The following RALGAPA2 variants were observed in gnomAD, a reference collection of about 807,000 sequenced individuals.
RALGAPA2 encodes ral GTPase-activating protein subunit alpha-2.
RALGAPA2 carries 139 observed loss-of-function variants against 230.4 expected under a neutral mutation model. The ratio of observed to expected loss-of-function variants is 0.60; its 90% CI spans 0.53 to 0.69. RALGAPA2 has a LOEUF of 0.69. Among genes scored for constraint, RALGAPA2 ranks in the 30% least tolerant of loss-of-function variants. The pLI is 0.00. For synonymous variants in RALGAPA2, 847 were observed against 837.8 expected (o/e 1.01, Z -0.19); for missense variants, 2,163 against 2,276.0 (o/e 0.95, Z 1.01).
chr20:20,652,377 T>C (rs928661537), intron 4 of RALGAPA2, among the ~76,000 whole-genome samples: 2 of 152,212 alleles, frequency 1.3e-5, no homozygotes, highest in Non-Finnish European at 2.9e-5. Flanking sequence ...AACAGAATTA[T>C]TCAACTTTTC....
chr20:20,615,048 G>A (rs2066094153), intron 13 of RALGAPA2, among the ~76,000 whole-genome samples: 1 of 152,142 alleles, frequency 6.6e-6, no homozygotes, highest in Non-Finnish European at 1.5e-5. Flanking sequence ...AAAGGCAGAA[G>A]TGAGAGGCTG....
chr20:20,619,400 A>G lies in RALGAPA2; in HGVS notation c.1416T>C (p.Ser472=). The change falls in exon 12 of 40, where the codon AGT becomes AGC. Residue 472 remains serine, a synonymous_variant. Transcript: ENST00000202677. ...AACTGGAAGATCGTTTATGACCAGAACTTTCAGATGAGGCCTTCAGAAGAT... is the reference window on the plus strand; with the variant it reads ...AACTGGAAGATCGTTTATGACCAGAGCTTTCAGATGAGGCCTTCAGAAGAT... ...ETDSKEASSE[S]SGHKRSSSWG... is the part of the protein sequence containing the mutation. 6.2e-7 allele frequency: 1 copy of G among 1,602,274 alleles called. No homozygotes were observed.
chr20:20,404,944 C>G (rs529109073), intron 38 of RALGAPA2, among the ~76,000 whole-genome samples: 5 of 152,314 alleles, frequency 3.3e-5, no homozygotes, highest in African/African-American at 1.2e-4. Context: ...AGCACCAGCC[C>G]CAGGGTTGTC....
rs6035618 is a variant in RALGAPA2, at chr20:20,393,169, C to G, written c.*120G>C. On this transcript the variant is annotated 3_prime_UTR_variant, in exon 40 of 40. Transcript: ENST00000202677. ...CCTGGAGATTCTGGGTTTAGTGGCTCGGGGCAGAGGCAGGAGAGGGTGTTC... is the reference window on the plus strand; with the variant it reads ...CCTGGAGATTCTGGGTTTAGTGGCTGGGGGCAGAGGCAGGAGAGGGTGTTC... 4 of 1,356,018 alleles carry G rather than the reference C, an allele frequency of 2.9e-6. No homozygotes were observed. The Admixed American group carries it at 7.9e-5, about 27-fold the overall frequency. 84.0% of individuals were successfully genotyped at this position (1,356,018 alleles called of 1,614,324 possible).
intron 37 of RALGAPA2, among the ~76,000 whole-genome samples, chr20:20,432,222 A>C (rs2060517217): frequency 6.6e-6 from 1 of 152,138 alleles, no homozygotes; most frequent in African/African-American, 2.4e-5. Flanking sequence ...ACGTAGGTAC[A>C]TTTTCTACAG....
At chr20:20,418,066 C>T (rs1438427178) in intron 37 of RALGAPA2, among the ~76,000 whole-genome samples, 1 of 152,078 alleles carries the variant, frequency 6.6e-6, no homozygotes, top group South Asian at 2.1e-4. Flanking sequence ...TCCTGTTTAC[C>T]ACAATACTGT....
At chr20:20,533,376 T>C (rs1398816706) in intron 26 of RALGAPA2, among the ~76,000 whole-genome samples, 2 of 151,188 alleles carry the variant, frequency 1.3e-5, no homozygotes, top group East Asian at 3.9e-4. Flanking sequence ...GTCTTTAAGA[T>C]AAAAAAAAAT....
chr20:20,635,627 G>A lies in RALGAPA2; in HGVS notation c.806-10C>T, dbSNP rs2066833182. On this transcript the variant is annotated splice_polypyrimidine_tract_variant and intron_variant, in intron 8 of 39. Coordinates refer to ENST00000202677, the MANE Select transcript of RALGAPA2 (RefSeq NM_020343.4). ...CTCAAATGGGGGATGTCTGGTAGAA[G>A]AAAGAACACATGATTGATTAGGTTA... The A allele has an allele frequency of 2.7e-6, 4 of 1,506,316 alleles. No individual in the cohort carries two copies. Among genetic ancestry groups the A allele is most frequent in the Middle Eastern group, 1.7e-4 (1 of 5,820 alleles). The allele number at this position is 1,506,316 out of a possible 1,614,324, so 93.3% of individuals were successfully genotyped here.
chr20:20,682,224 C>T (rs2068545922), intron 1 of RALGAPA2, among the ~76,000 whole-genome samples: 1 of 152,154 alleles, frequency 6.6e-6, no homozygotes, highest in South Asian at 2.1e-4. Flanking sequence ...AAACTGGGCA[C>T]ACAGCTGTGA....
intron 1 of RALGAPA2, among the ~76,000 whole-genome samples, chr20:20,702,672 C>A (rs1005401835): frequency 6.6e-6 from 1 of 152,194 alleles, no homozygotes; most frequent in Non-Finnish European, 1.5e-5. Flanking sequence ...GTCAATCATG[C>A]TCCCCACAAC....
At chr20:20,408,169 T>C (rs978267562) in intron 38 of RALGAPA2, among the ~76,000 whole-genome samples, 2 of 152,246 alleles carry the variant, frequency 1.3e-5, no homozygotes, top group Non-Finnish European at 2.9e-5. Context: ...CAAGTCAGTT[T>C]GGGTATTCCG....
At chr20:20,634,756 C>A (rs1392779199) in intron 9 of RALGAPA2, among the ~76,000 whole-genome samples, 1 of 152,230 alleles carries the variant, frequency 6.6e-6, no homozygotes, top group African/African-American at 2.4e-5. Context: ...TGGCTGCTCT[C>A]TGACCTCCAC....
At position 20,591,279 on chromosome 20, in the gene RALGAPA2, C is replaced by T; in HGVS notation, c.2239G>A (p.Ala747Thr). The T allele has an allele frequency of 6.2e-7, 1 of 1,613,870 alleles. No homozygotes were observed. The highest frequency in any genetic ancestry group is 8.5e-7 in the Non-Finnish European group (1 of 1,179,820). ...ACTGTGAGATGGCCAGATCCGGCTG[C>T]AGGTGCATTTTCTGACTGTTGACAC... ...EECQQSENAP[A>T]AGSGHLTVGQ... Residue 747 changes from alanine to threonine, a missense_variant, in exon 17 of 40, where the codon GCA becomes ACA. Physicochemically the swap from Ala to Thr is moderately conservative, Grantham distance 58. Coordinates refer to ENST00000202677, the MANE Select transcript of RALGAPA2 (RefSeq NM_020343.4).
At chr20:20,577,117 G>A (rs2064844736) in intron 20 of RALGAPA2, among the ~76,000 whole-genome samples, 1 of 152,028 alleles carries the variant, frequency 6.6e-6, no homozygotes, top group Admixed American at 6.6e-5. Flanking sequence ...TGATTTCTAG[G>A]CAATTATCAG....
intron 37 of RALGAPA2, among the ~76,000 whole-genome samples, chr20:20,447,757 C>G (rs1466394696): frequency 6.6e-6 from 1 of 151,888 alleles, no homozygotes; most frequent in Admixed American, 6.6e-5. Flanking sequence ...TCATGAAGCT[C>G]TTTTTCTGGG....
intron 36 of RALGAPA2, among the ~76,000 whole-genome samples, chr20:20,486,846 C>T (rs550011910): frequency 1.3e-5 from 2 of 152,282 alleles, no homozygotes; most frequent in South Asian, 4.1e-4. Flanking sequence ...CTTGGCCATG[C>T]CCAGTTTACT....
In RALGAPA2 at chr20:20,637,355, G is replaced by GT; in HGVS notation, c.805+7dup. On this transcript the variant is annotated splice_region_variant and intron_variant, in intron 8 of 39. Coordinates refer to ENST00000202677, the MANE Select transcript of RALGAPA2 (RefSeq NM_020343.4). ...ATATCCTCTATACACGGCTCCAACA[G>GT]TACTTACCAAGTACAGGTTTGTAGA... 1 of 1,593,594 alleles carries GT rather than the reference G, an allele frequency of 6.3e-7. No individual in the cohort carries two copies. The highest frequency in any genetic ancestry group is 8.6e-7 in the Non-Finnish European group (1 of 1,168,336).
chr20:20,523,265 T>C (rs1468961705), intron 30 of RALGAPA2, among the ~76,000 whole-genome samples: 1 of 152,132 alleles, frequency 6.6e-6, no homozygotes. Context: ...CCAGAGCAAA[T>C]GCCACACCTA....
At chr20:20,579,336 C>T (rs1202708629) in intron 20 of RALGAPA2, among the ~76,000 whole-genome samples, 1 of 152,164 alleles carries the variant, frequency 6.6e-6, no homozygotes, top group Non-Finnish European at 1.5e-5. Flanking sequence ...TTCTCGGAAG[C>T]AAGAATCAGC....
Sources: allele counts gnomAD v4.1 joint callset (sites outside exome capture counted in the v4.1 genomes callset), GRCh38; gene constraint gnomAD v4.1.1; transcripts MANE v1.5; gene names NCBI Gene and HGNC (gene_info 2026-07-23, HGNC 2026-07-21).